Variants in GSE1 observed in about 807,000 individuals in gnomAD.
GSE1 encodes the protein Gse1 coiled-coil protein.
In GSE1, 32 loss-of-function variants were observed where a neutral mutation model predicts 112.6. The observed-to-expected ratio is 0.28, with a 90% CI of 0.21 to 0.38. The LOEUF (loss-of-function observed/expected upper bound fraction) is 0.38. Ranked by LOEUF, GSE1 falls within the 10% of genes least tolerant of loss-of-function variation. The pLI, the probability that GSE1 is intolerant of heterozygous loss-of-function variation, is 1.00. For missense variants in GSE1, 2,348 were observed against 1,699.2 expected (o/e 1.38, Z -6.71); for synonymous variants, 1,115 against 735.6 (o/e 1.52, Z -8.35).
intron 2 of GSE1, among the ~76,000 whole-genome samples, chr16:85,409,215 C>A (rs866166848): frequency 3.1e-5 from 1 of 32,724 alleles, no homozygotes; most frequent in African/African-American, 1.7e-4. Flanking sequence ...CAGGGCCCCC[C>A]GGATAATCCT....
chr16:85,218,735 C>A (rs188479652), intron 1 of GSE1, among the ~76,000 whole-genome samples: 69 of 152,372 alleles, frequency 4.5e-4, no homozygotes, highest in East Asian at 7.7e-4. Context: ...CTGCTCTGTG[C>A]GTCCAGCTGG....
chr16:85,401,294 T>C (rs1180864736), intron 2 of GSE1, among the ~76,000 whole-genome samples: 1 of 133,234 alleles, frequency 7.5e-6, no homozygotes, highest in Non-Finnish European at 1.5e-5. Context: ...TTTATAGAAA[T>C]GGAGCAGAAT....
intron 1 of GSE1, among the ~76,000 whole-genome samples, chr16:85,623,451 C>G (rs142180237): frequency 7.2e-5 from 11 of 152,316 alleles, no homozygotes; most frequent in Middle Eastern, 3.4e-3. Context: ...CATGCGGTGC[C>G]CTGGAAGTCC....
At chr16:85,277,918 C>T (rs4075455) in intron 1 of GSE1, among the ~76,000 whole-genome samples, 7 of 152,094 alleles carry the variant, frequency 4.6e-5, no homozygotes, top group African/African-American at 1.7e-4. Flanking sequence ...CACCTCGGGG[C>T]TCCTTCCTGC....
intron 2 of GSE1, among the ~76,000 whole-genome samples, chr16:85,472,291 C>T (rs1010551855): frequency 3.3e-5 from 5 of 152,148 alleles, no homozygotes; most frequent in South Asian, 2.1e-4. Context: ...TCAAGGTGTG[C>T]GCAGGGCTGT....
chr16:85,360,661 C>T (rs555407024), intron 2 of GSE1, among the ~76,000 whole-genome samples: 36 of 152,152 alleles, frequency 2.4e-4, no homozygotes, highest in Non-Finnish European at 4.7e-4. Flanking sequence ...CACGTCCAGA[C>T]ATGCAGACGC....
intron 1 of GSE1, among the ~76,000 whole-genome samples, chr16:85,342,283 C>T (rs2046640146): frequency 6.6e-6 from 1 of 152,198 alleles, no homozygotes; most frequent in Non-Finnish European, 1.5e-5. Flanking sequence ...TCAATTAGAG[C>T]TATTTTTATG....
intron 1 of GSE1, among the ~76,000 whole-genome samples, chr16:85,238,997 G>C (rs546127058): frequency 2.0e-5 from 3 of 151,854 alleles, no homozygotes; most frequent in African/African-American, 7.3e-5. Flanking sequence ...GTGCGATCTC[G>C]GCTCACTGCA....
intron 1 of GSE1, among the ~76,000 whole-genome samples, chr16:85,295,381 C>T (rs188832806): frequency 6.6e-6 from 1 of 152,378 alleles, no homozygotes; most frequent in East Asian, 1.9e-4. Flanking sequence ...ACGCGTGCTG[C>T]AGCGCGGGTC....
chr16:85,573,230 C>A (rs2046083073), intron 1 of GSE1, among the ~76,000 whole-genome samples: 1 of 152,150 alleles, frequency 6.6e-6, no homozygotes, highest in African/African-American at 2.4e-5. Context: ...AAGTCCTGGA[C>A]TCAAGCCATG....
intron 2 of GSE1, among the ~76,000 whole-genome samples, chr16:85,423,786 TTGCTC>T (rs748686663): frequency 7.6e-4 from 115 of 152,304 alleles, no homozygotes; most frequent in Admixed American, 1.4e-3. Context: ...ACCGCTGCAC[TTGCTC>T]TCCCTTCTCC....
intron 1 of GSE1, among the ~76,000 whole-genome samples, chr16:85,229,119 C>G (rs1016851375): frequency 6.6e-6 from 1 of 152,220 alleles, no homozygotes; most frequent in Non-Finnish European, 1.5e-5. Context: ...GTGGCGGCAT[C>G]GTGGGAGCAG....
chr16:85,395,706 C>T (rs1405256989), intron 2 of GSE1, among the ~76,000 whole-genome samples: 3 of 152,196 alleles, frequency 2.0e-5, no homozygotes, highest in South Asian at 2.1e-4. Context: ...CTGTCACGTC[C>T]GCCCTCCCCT....
At chr16:85,524,457 T>C (rs1311308302) in intron 2 of GSE1, among the ~76,000 whole-genome samples, 2 of 151,768 alleles carry the variant, frequency 1.3e-5, no homozygotes, top group East Asian at 1.9e-4. Flanking sequence ...ACGGCTGCCG[T>C]GGCTGTGGTG....
chr16:85,660,120 C>T (rs2052309356), intron 8 of GSE1, among the ~76,000 whole-genome samples: 1 of 152,202 alleles, frequency 6.6e-6, no homozygotes, highest in Non-Finnish European at 1.5e-5. Flanking sequence ...CAAGGCACAG[C>T]AGGAGGAGAG....
intron 2 of GSE1, among the ~76,000 whole-genome samples, chr16:85,366,581 T>G (rs928030145): frequency 6.6e-6 from 1 of 152,204 alleles, no homozygotes; most frequent in Non-Finnish European, 1.5e-5. Flanking sequence ...CTTGGAATAT[T>G]TAGCAGGGAC....
chr16:85,484,898 T>C (rs12933592), intron 2 of GSE1, among the ~76,000 whole-genome samples: 70,448 of 152,132 alleles, frequency 0.46, 17,517 homozygotes, highest in Non-Finnish European at 0.55. Context: ...ATGTGGGTGC[T>C]GCCTCACCCT....
chr16:85,505,155 C>A (rs2051496710), intron 2 of GSE1, among the ~76,000 whole-genome samples: 1 of 152,206 alleles, frequency 6.6e-6, no homozygotes, highest in Admixed American at 6.5e-5. Flanking sequence ...GATGGACTCT[C>A]TGGCGCCCAG....
At chr16:85,248,606 A>T (rs1286041480) in intron 1 of GSE1, among the ~76,000 whole-genome samples, 1 of 151,590 alleles carries the variant, frequency 6.6e-6, no homozygotes, top group Non-Finnish European at 1.5e-5. Flanking sequence ...GTCCTGGGGG[A>T]GCCGCCATGA....
Sources: allele counts gnomAD v4.1 joint callset (sites outside exome capture counted in the v4.1 genomes callset), GRCh38; gene constraint gnomAD v4.1.1; transcripts MANE v1.5; gene names NCBI Gene and HGNC (gene_info 2026-07-23, HGNC 2026-07-21).